The following GJA1 variants were observed in gnomAD, a reference collection of about 807,000 sequenced individuals.
GJA1 encodes gap junction alpha-1 protein.
A neutral mutation model predicts 31.0 loss-of-function variants in GJA1; 9 were observed. The observed-to-expected ratio is 0.29, with a 90% CI of 0.17 to 0.51. GJA1 has a LOEUF of 0.51. GJA1 is among the 20% of genes least tolerant of loss of function. The probability of loss-of-function intolerance (pLI) is 0.98; values close to 1 mark genes in which losing one functional copy is unlikely to be tolerated. For missense variants in GJA1, 278 were observed against 468.8 expected, an observed-to-expected ratio of 0.59 and a Z score of 3.76; for synonymous variants, 186 against 180.1, an observed-to-expected ratio of 1.03 and a Z score of -0.26.
chr6:121,436,657 G>C (rs1269260454), intron 1 of GJA1, among the ~76,000 whole-genome samples: 1 of 152,050 alleles, frequency 6.6e-6, no homozygotes, highest in Non-Finnish European at 1.5e-5. Flanking sequence ...TGTATGCCAG[G>C]GTACTTTTCC....
At chr6:121,445,378 C>CTCA (rs1393804184) in intron 1 of GJA1, among the ~76,000 whole-genome samples, 1 of 152,158 alleles carries the variant, frequency 6.6e-6, no homozygotes, top group Non-Finnish European at 1.5e-5. Flanking sequence ...ATCTCCTGAC[C>CTCA]TCATGATCCA....
At chr6:121,439,406 A>G (rs1264850795) in intron 1 of GJA1, among the ~76,000 whole-genome samples, 1 of 152,218 alleles carries the variant, frequency 6.6e-6, no homozygotes, top group African/African-American at 2.4e-5. Context: ...AAGGCTATTC[A>G]CTAAAAATAG....
Position 121,449,641 on chromosome 6 carries a change from T to C in GJA1, c.*1645T>C, listed in dbSNP as rs1017806248. 6.0e-6 allele frequency: 1 copy of C among 167,120 alleles called. No homozygotes were observed. The highest frequency in any genetic ancestry group is 2.4e-5 in the African/African-American group (1 of 41,464). 10.4% of individuals were successfully genotyped at this position (167,120 alleles called of 1,614,324 possible). A position where few individuals can be genotyped will look rare whatever the true frequency, so the allele number is the denominator to read the frequency against. On this transcript the variant is annotated 3_prime_UTR_variant, in exon 2 of 2. Coordinates refer to ENST00000282561, the MANE Select transcript of GJA1 (RefSeq NM_000165.5). ...TAAACTACGGTCATGTTCAGCTTCA[T>C]TGCATGTAATGTAGACCTAGTCCAT...
chr6:121,435,973 ATAGTTT>A (rs1194985792), intron 1 of GJA1, 141 bp downstream of exon 1: 1 of 152,148 alleles, frequency 6.6e-6, no homozygotes. Flanking sequence ...AAGTGTTTCT[ATAGTTT>A]TAAAGTTAAA....
intron 1 of GJA1, among the ~76,000 whole-genome samples, chr6:121,445,263 A>C (rs1773868212): frequency 6.6e-6 from 1 of 152,148 alleles, no homozygotes; most frequent in Admixed American, 6.5e-5. Flanking sequence ...CTCTTGCCTT[A>C]GCCTCCCGAG....
intron 1 of GJA1, among the ~76,000 whole-genome samples, chr6:121,444,508 A>AT (rs1773851748): frequency 6.6e-6 from 1 of 151,866 alleles, no homozygotes; most frequent in South Asian, 2.1e-4. Flanking sequence ...TGCCCATTTC[A>AT]TTTTTTCTTG....
chr6:121,436,522 G>A (rs1443503792), intron 1 of GJA1, among the ~76,000 whole-genome samples: 1 of 152,172 alleles, frequency 6.6e-6, no homozygotes, highest in Non-Finnish European at 1.5e-5. Flanking sequence ...AACCGCTATG[G>A]AAAGATTTGA....
chr6:121,441,141 A>G (rs1275522631), intron 1 of GJA1, among the ~76,000 whole-genome samples: 3 of 151,810 alleles, frequency 2.0e-5, no homozygotes, highest in East Asian at 1.9e-4. Context: ...TTTAGTAGAG[A>G]CGGGGTTTCA....
intron 1 of GJA1, among the ~76,000 whole-genome samples, chr6:121,442,270 A>G (rs991352628): frequency 6.6e-6 from 1 of 152,238 alleles, no homozygotes; most frequent in African/African-American, 2.4e-5. Flanking sequence ...ACTTAATTCT[A>G]ATAACTATTA....
chr6:121,448,247 T>C lies in GJA1; in HGVS notation c.*251T>C. On this transcript the variant is annotated 3_prime_UTR_variant, in exon 2 of 2. Coordinates refer to ENST00000282561, the MANE Select transcript of GJA1 (RefSeq NM_000165.5). ...AGTAGTGGATTCAAAGAACTTAGAT[T>C]ATAAATAAGAGTTCCATTAGGTGAT... The C allele has an allele frequency of 1.8e-6, 1 of 556,606 alleles. No homozygotes were observed. The highest frequency in any genetic ancestry group is 3.3e-6 in the Non-Finnish European group (1 of 301,764). The allele number at this position is 556,606 out of a possible 1,614,324, so 34.5% of individuals were successfully genotyped here.
In GJA1 at chr6:121,437,361, TTTTTC is replaced by T. The variant is rs1272615014; in HGVS notation, c.-17+1534_-17+1538del. On this transcript the variant is annotated intron_variant, in intron 1 of 1. Coordinates refer to ENST00000282561, the MANE Select transcript of GJA1 (RefSeq NM_000165.5). The stretch of plus-strand genomic sequence containing the variant: ...ATCCCTCTCACACCAGCCCTTTTTT[TTTTTC>T]TTTTTCTTTTTTCCTCTTAAACTTG... Among the ~76,000 whole-genome samples the T allele has an allele frequency of 3.6e-5, 5 of 139,488 alleles. No homozygotes were observed. In the East Asian group the frequency reaches 6.6e-4, roughly 18 times the overall value. 91.5% of individuals were successfully genotyped at this position (139,488 alleles called of 152,430 possible).
intron 1 of GJA1, among the ~76,000 whole-genome samples, chr6:121,439,720 G>C (rs1773732783): frequency 6.6e-6 from 1 of 152,280 alleles, no homozygotes; most frequent in Non-Finnish European, 1.5e-5. Context: ...GTTCAGTGAT[G>C]AGGAGGGGTA....
Position 121,448,102 on chromosome 6 carries a change from A to G in GJA1, c.*106A>G. ...TTTGATCCGGTGGAGGTGGTACTCA[A>G]CAGCCTTATTCATGAGGCTTAGAAA... On this transcript the variant is annotated 3_prime_UTR_variant, in exon 2 of 2. Transcript: ENST00000282561. The G allele has an allele frequency of 6.0e-6, 6 of 996,840 alleles. No individual in the cohort carries two copies. Among genetic ancestry groups the G allele is most frequent in the South Asian group, 1.3e-5 (1 of 76,306 alleles). The allele number at this position is 996,840 out of a possible 1,614,324, so 61.7% of individuals were successfully genotyped here. A position where few individuals can be genotyped will look rare whatever the true frequency, so the allele number is the denominator to read the frequency against.
At chr6:121,437,562 C>T (rs143226756) in intron 1 of GJA1, among the ~76,000 whole-genome samples, 4 of 152,064 alleles carry the variant, frequency 2.6e-5, no homozygotes, top group East Asian at 3.9e-4. Context: ...ATGACGCGTC[C>T]GGGGCAAGTC....
chr6:121,448,968 G>GT lies in GJA1; in HGVS notation c.*975dup, dbSNP rs764644724. 2.3e-4 allele frequency: 39 copies of GT among 166,238 alleles called. No individual in the cohort carries two copies. Among genetic ancestry groups the GT allele is most frequent in the Non-Finnish European group, 5.6e-4 (38 of 68,080 alleles). The allele number at this position is 166,238 out of a possible 1,614,324, so 10.3% of individuals were successfully genotyped here. A position where few individuals can be genotyped will look rare whatever the true frequency, so the allele number is the denominator to read the frequency against. ...TTTTTGTGGTGTGGGCCAATATGGT[G>GT]TTTACATTATATAATTCCTGCTGTG... On this transcript the variant is annotated 3_prime_UTR_variant, in exon 2 of 2. Coordinates refer to ENST00000282561, the MANE Select transcript of GJA1 (RefSeq NM_000165.5).
At chr6:121,436,283 A>G (rs1176091275) in intron 1 of GJA1, among the ~76,000 whole-genome samples, 1 of 151,132 alleles carries the variant, frequency 6.6e-6, no homozygotes, top group African/African-American at 2.4e-5. Context: ...ATAGTATTCT[A>G]CACTTCATAG....
rs1270988821 is a variant in GJA1, at chr6:121,447,458, C to T, written c.611C>T (p.Thr204Met). 5 of 1,614,024 alleles carry T rather than the reference C, an allele frequency of 3.1e-6. No individual in the cohort carries two copies. Among genetic ancestry groups the T allele is most frequent in the South Asian group, 1.1e-5 (1 of 91,076 alleles). The change falls in exon 2 of 2, where the codon ACG becomes ATG. Residue 204 changes from threonine to methionine, a missense_variant. Physicochemically the swap from Thr to Met is moderately conservative, Grantham distance 81. This residue lies in a region of GJA1 where 80 missense variants were observed against 163.5 expected (regional missense o/e 0.49). Transcript: ENST00000282561. Reference sequence around the variant, plus strand: ...GTGGACTGTTTCCTCTCTCGCCCCACGGAGAAAACCATCTTCATCATCTTC... The same window carrying T: ...GTGGACTGTTTCCTCTCTCGCCCCATGGAGAAAACCATCTTCATCATCTTC... ...HQVDCFLSRP[T>M]EKTIFIIFML...
intron 1 of GJA1, among the ~76,000 whole-genome samples, chr6:121,441,600 A>G (rs937247079): frequency 1.3e-5 from 2 of 152,150 alleles, no homozygotes; most frequent in Non-Finnish European, 2.9e-5. Flanking sequence ...AGGACTGGGG[A>G]AAGGATGTTG....
At chr6:121,438,165 T>A (rs1773700602) in intron 1 of GJA1, among the ~76,000 whole-genome samples, 1 of 152,200 alleles carries the variant, frequency 6.6e-6, no homozygotes, top group Non-Finnish European at 1.5e-5. Context: ...GTTCCCCCAG[T>A]GTGGGGGTGC....
Sources: allele counts gnomAD v4.1 joint callset (sites outside exome capture counted in the v4.1 genomes callset), GRCh38; gene constraint gnomAD v4.1.1; regional missense constraint gnomAD v4.1.1; transcripts MANE v1.5; gene names NCBI Gene and HGNC (gene_info 2026-07-23, HGNC 2026-07-21).